Variants in RAP1GAP2 observed in about 807,000 individuals in gnomAD.
The protein encoded by RAP1GAP2 is RAP1 GTPase activating protein 2.
In RAP1GAP2, 27 loss-of-function variants were observed where a neutral mutation model predicts 95.0. The ratio of observed to expected loss-of-function variants is 0.28; its 90% CI spans 0.21 to 0.39. The LOEUF is 0.39. Among genes scored for constraint, RAP1GAP2 ranks in the 10% least tolerant of loss-of-function variants. The probability of loss-of-function intolerance (pLI) is 1.00; values close to 1 mark genes in which losing one functional copy is unlikely to be tolerated. For synonymous variants in RAP1GAP2, 373 were observed against 380.9 expected (o/e 0.98, Z 0.24); for missense variants, 771 against 970.0 (o/e 0.79, Z 2.72).
At chr17:2,900,265 T>C (rs1479795342) in intron 2 of RAP1GAP2, among the ~76,000 whole-genome samples, 2 of 152,162 alleles carry the variant, frequency 1.3e-5, no homozygotes, top group African/African-American at 4.8e-5. Context: ...GAACTGGTGC[T>C]CATTTGAGAT....
At chr17:2,905,468 G>C (rs2042169889) in intron 3 of RAP1GAP2, 100 bp downstream of exon 3, 2 of 1,182,790 alleles carry the variant, frequency 1.7e-6, no homozygotes, top group African/African-American at 3.0e-5. Context: ...GTCCGTCGCA[G>C]TGGGGCTGTG....
intron 2 of RAP1GAP2, among the ~76,000 whole-genome samples, chr17:2,878,143 A>C (rs1204796086): frequency 6.6e-6 from 1 of 152,076 alleles, no homozygotes; most frequent in African/African-American, 2.4e-5. Context: ...CTTTTGGGTG[A>C]CATTATGTTG....
At chr17:2,945,892 C>T (rs551094612) in intron 3 of RAP1GAP2, among the ~76,000 whole-genome samples, 14 of 151,942 alleles carry the variant, frequency 9.2e-5, no homozygotes, top group Admixed American at 6.6e-4. Flanking sequence ...TGGGTGCAAG[C>T]GATTCTCATG....
chr17:2,907,833 A>C (rs1408227700), intron 3 of RAP1GAP2, among the ~76,000 whole-genome samples: 1 of 151,972 alleles, frequency 6.6e-6, no homozygotes, highest in Non-Finnish European at 1.5e-5. Context: ...TTTGAGACAG[A>C]GCCTTGCTCT....
chr17:2,787,033 C>T (rs555820884), intron 1 of RAP1GAP2, among the ~76,000 whole-genome samples: 143 of 149,806 alleles, frequency 9.5e-4, no homozygotes, highest in African/African-American at 3.3e-3. Flanking sequence ...TCACTGCAAC[C>T]TCCGCTTCCC....
At chr17:2,993,757 A>G (rs566139549) in intron 12 of RAP1GAP2, among the ~76,000 whole-genome samples, 1 of 151,072 alleles carries the variant, frequency 6.6e-6, no homozygotes, top group Non-Finnish European at 1.5e-5. Context: ...AAAAACGGCC[A>G]GGCATGGTGG....
Position 3,030,399 on chromosome 17 carries a change from A to G in RAP1GAP2, c.2108-523A>G, listed in dbSNP as rs1010412094. Among the ~76,000 whole-genome samples, 6 of 152,192 alleles carry G rather than the reference A, an allele frequency of 3.9e-5. No individual in the cohort carries two copies. In the East Asian group the frequency reaches 1.2e-3, roughly 29 times the overall value. On this transcript the variant is annotated intron_variant, in intron 22 of 24. Transcript: ENST00000254695. ...GTTTCATGTAAATTCCTTTTTTTCT[A>G]TTAGTTCCTTAAGTCTAGACAACAA...
At chr17:2,947,272 G>T (rs2043732883) in intron 3 of RAP1GAP2, among the ~76,000 whole-genome samples, 2 of 151,942 alleles carry the variant, frequency 1.3e-5, no homozygotes, top group African/African-American at 2.4e-5. Flanking sequence ...GGGGTGGTGG[G>T]GGGAGACTTG....
intron 2 of RAP1GAP2, among the ~76,000 whole-genome samples, chr17:2,810,220 G>T (rs1050204887): frequency 5.9e-5 from 9 of 152,182 alleles, no homozygotes; most frequent in East Asian, 5.8e-4. Flanking sequence ...TCCCTCCCTG[G>T]GAGGCAGAGT....
intron 16 of RAP1GAP2, 79 bp downstream of exon 16, chr17:3,006,120 CTTT>C (rs537126167): frequency 0.015 from 5,826 of 391,832 alleles, no homozygotes; most frequent in Middle Eastern, 0.02. Flanking sequence ...GCTCCTCCAT[CTTT>C]TTTTTTTTTT....
Position 3,004,618 on chromosome 17 carries a change from A to T in RAP1GAP2, c.1201-751A>T, listed in dbSNP as rs182924331. 2.5e-3 allele frequency among the ~76,000 whole-genome samples: 378 copies of T among 152,256 alleles called. 1 individual carries two copies. Among genetic ancestry groups the T allele is most frequent in the African/African-American group, 8.7e-3 (362 of 41,544 alleles). ...CCATGCAGCGAACCTCGAGGCCGTC[A>T]CTCTAAAGCTCAGTCTCACTCAGGG... On this transcript the variant is annotated intron_variant, in intron 14 of 24. Transcript: ENST00000254695. The surrounding 1 kb of genome is among the most constrained non-coding windows in gnomAD (Gnocchi z 4.1).
chr17:2,939,658 G>A (rs1288275887), intron 3 of RAP1GAP2, among the ~76,000 whole-genome samples: 2 of 152,134 alleles, frequency 1.3e-5, no homozygotes, highest in African/African-American at 2.4e-5. Context: ...CCGGCCACGC[G>A]GGCCAGCAGT....
Position 2,787,818 on chromosome 17 carries a change from C to T in RAP1GAP2, c.-14+10540C>T, listed in dbSNP as rs140309570. Among the ~76,000 whole-genome samples the T allele has an allele frequency of 8.2e-3, 1,255 of 152,158 alleles. 7 individuals are homozygous for T. The highest frequency in any genetic ancestry group is 0.016 in the South Asian group (75 of 4,808). On this transcript the variant is annotated intron_variant, in intron 1 of 24. Transcript: ENST00000540393. ...TCCTGACCTCGTGATCTGCCCGCCTCGGCCTCCCAAAGTACTGGGATTACA... is the reference window on the plus strand; with the variant it reads ...TCCTGACCTCGTGATCTGCCCGCCTTGGCCTCCCAAAGTACTGGGATTACA...
intron 2 of RAP1GAP2, among the ~76,000 whole-genome samples, chr17:2,831,235 C>A (rs1436243727): frequency 2.0e-5 from 3 of 148,458 alleles, no homozygotes; most frequent in African/African-American, 5.0e-5. Flanking sequence ...TGCCACCACG[C>A]CCAGCTACTT....
At position 3,032,409 on chromosome 17, in the gene RAP1GAP2, A is replaced by T. The variant is rs1241958352; in HGVS notation, c.2185-2A>T. 6.2e-7 allele frequency: 1 copy of T among 1,613,816 alleles called. No homozygotes were observed. Among genetic ancestry groups the T allele is most frequent in the Non-Finnish European group, 8.5e-7 (1 of 1,179,814 alleles). On this transcript the variant is annotated splice_acceptor_variant, in intron 23 of 24. Transcript: ENST00000254695. LOFTEE classifies it high-confidence loss of function. ...CTCCTGTATGGATTTTTGTTGAAACAGGGTCACTAATGTGAAAGTGGAGTC... is the reference window on the plus strand; with the variant it reads ...CTCCTGTATGGATTTTTGTTGAAACTGGGTCACTAATGTGAAAGTGGAGTC...
rs534319111 is a variant in RAP1GAP2 at position 2,796,488 on chromosome 17, T to C, written c.-40T>C. 8 of 1,551,912 alleles carry C rather than the reference T, an allele frequency of 5.2e-6. No individual in the cohort carries two copies. Among genetic ancestry groups the C allele is most frequent in the East Asian group, 2.4e-5 (1 of 41,060 alleles). On this transcript the variant is annotated 5_prime_UTR_variant, in exon 1 of 25. Transcript: ENST00000254695. This position sits in a 1 kb window ranked among gnomAD's most constrained non-coding sequence, Gnocchi z 4.7. ...CTTGCGGACAGCCCCGGGGACGTCG[T>C]TGGGACATCGCTGGGACCCCGGGCT...
chr17:2,767,795 C>T (rs895864051), intron 1 of RAP1GAP2, among the ~76,000 whole-genome samples: 2 of 150,946 alleles, frequency 1.3e-5, no homozygotes, highest in African/African-American at 4.9e-5. Context: ...TGCGGTGGCA[C>T]GATCTTGGCT....
In RAP1GAP2 at chr17:3,018,069, C is replaced by A; in HGVS notation, c.1503C>A (p.Ile501=). ...GGFLESFKRA[I]RVRSHSMETM... ...TTGTTCTCTCCCCGTAGAGGGCCAT[C>A]CGCGTACGCAGCCACTCCATGGAGA... Residue 501 remains isoleucine (I), a synonymous_variant, in exon 18 of 25, where the codon ATC becomes ATA. Coordinates refer to ENST00000254695, the MANE Select transcript of RAP1GAP2 (RefSeq NM_015085.5). 6.3e-7 allele frequency: 1 copy of A among 1,586,308 alleles called. No individual in the cohort carries two copies. The highest frequency in any genetic ancestry group is 8.6e-7 in the Non-Finnish European group (1 of 1,166,862).
chr17:2,755,978 C>T (rs2071133415), intron 1 of RAP1GAP2, among the ~76,000 whole-genome samples: 1 of 152,172 alleles, frequency 6.6e-6, no homozygotes, highest in African/African-American at 2.4e-5. Context: ...TGCGGCTCTC[C>T]AAAGAGATGG....
Sources: gnomAD v4.1 joint callset for allele counts (sites outside exome capture counted in the v4.1 genomes callset) on GRCh38, gnomAD v4.1.1 for gene constraint, Gnocchi (gnomAD v3.1) non-coding constraint, MANE v1.5 for transcripts, NCBI Gene and HGNC (gene_info 2026-07-23, HGNC 2026-07-21) for gene names.